Variants in ATL2 observed in about 807,000 individuals in gnomAD.
ATL2 encodes atlastin-2.
In ATL2, 31 loss-of-function variants were observed where a neutral mutation model predicts 73.9. The observed-to-expected ratio is 0.42, with a 90% CI of 0.32 to 0.57. The LOEUF is 0.57. Ranked by LOEUF, ATL2 falls within the 20% of genes least tolerant of loss-of-function variation. The probability of loss-of-function intolerance (pLI) is 0.14; values close to 1 mark genes in which losing one functional copy is unlikely to be tolerated. For missense variants in ATL2, 738 were observed against 702.6 expected (o/e 1.05, Z -0.57); for synonymous variants, 291 against 237.5 (o/e 1.23, Z -2.07).
intron 1 of ATL2, 36 bp from the exon 2 acceptor site, chr2:38,343,548 T>C (rs1012100102): frequency 1.3e-6 from 2 of 1,580,022 alleles, no homozygotes; most frequent in Non-Finnish European, 1.7e-6. Flanking sequence ...GTTACTTTAA[T>C]CCCTATATTA....
chr2:38,362,655 G>A (rs889364170), intron 1 of ATL2, among the ~76,000 whole-genome samples: 1 of 152,184 alleles, frequency 6.6e-6, no homozygotes, highest in African/African-American at 2.4e-5. Flanking sequence ...TCTTTCAATA[G>A]TCACTGAACA....
At chr2:38,309,802 C>T (rs1187913646) in intron 8 of ATL2, among the ~76,000 whole-genome samples, 2 of 151,928 alleles carry the variant, frequency 1.3e-5, no homozygotes, top group African/African-American at 2.4e-5. Flanking sequence ...TTAGTATTAA[C>T]GAAAATGTCC....
At chr2:38,348,398 G>A (rs1304419815) in intron 1 of ATL2, among the ~76,000 whole-genome samples, 4 of 151,754 alleles carry the variant, frequency 2.6e-5, no homozygotes, top group Admixed American at 6.6e-5. Context: ...CCCAGGAAAC[G>A]GAGGTTGCGG....
intron 1 of ATL2, among the ~76,000 whole-genome samples, chr2:38,355,616 C>G (rs1438532118): frequency 6.6e-6 from 1 of 151,788 alleles, no homozygotes; most frequent in Non-Finnish European, 1.5e-5. Flanking sequence ...CATAACAATG[C>G]CAAGTAAGAA....
intron 7 of ATL2, among the ~76,000 whole-genome samples, chr2:38,312,389 A>ACTCT (rs10638181): frequency 0.11 from 16,682 of 151,810 alleles, 2,708 homozygotes; most frequent in African/African-American, 0.36. Context: ...TTCCCCCTTC[A>ACTCT]CTCTCTCTCT....
chr2:38,318,776 C>T (rs998446306), intron 3 of ATL2, 109 bp downstream of exon 3: 9 of 1,355,778 alleles, frequency 6.6e-6, no homozygotes, highest in South Asian at 4.2e-5. Context: ...CATAATAATC[C>T]GTATGTTAAA....
intron 1 of ATL2, chr2:38,358,451 C>G (rs1409206776): frequency 5.8e-6 from 1 of 172,326 alleles, no homozygotes; most frequent in African/African-American, 2.4e-5. Context: ...ACCTGTAATC[C>G]CAGCACTTTG....
In ATL2 at chr2:38,310,289, G is replaced by T. The variant is rs370235244; in HGVS notation, c.943+20C>A. On this transcript the variant is annotated intron_variant, in intron 8 of 12. Transcript: ENST00000378954. ...CTCTAATAAATAAGTTCAGATTTTA[G>T]CAAGAATGGGAATTCCCACCTTTCA... The T allele has an allele frequency of 5.3e-5, 85 of 1,607,984 alleles. No homozygotes were observed. The African/African-American group carries it at 9.7e-4, about 18-fold the overall frequency.
chr2:38,309,485 C>A lies in ATL2; in HGVS notation c.965G>T (p.Arg322Leu). The A allele has an allele frequency of 6.2e-7, 1 of 1,611,200 alleles. No individual in the cohort carries two copies. The highest frequency in any genetic ancestry group is 8.5e-7 in the Non-Finnish European group (1 of 1,179,388). ...CAATGGAACCAGATTTCGAAGCTCT[C>A]GTTTAAAGTCTTCATCAATATCTAG... ...RLKDIDEDFKRELRNLVPLLL... is the reference protein window; with the variant it reads ...RLKDIDEDFKLELRNLVPLLL... Residue 322 changes from arginine (R) to leucine (L), a missense_variant, in exon 9 of 13, where the codon CGA (arginine) becomes CTA (leucine). By Grantham distance (102) the Arg-to-Leu change is moderately radical. Transcript: ENST00000378954.
chr2:38,354,796 A>T (rs1369862045), intron 1 of ATL2, among the ~76,000 whole-genome samples: 2 of 152,156 alleles, frequency 1.3e-5, no homozygotes, highest in Non-Finnish European at 2.9e-5. Context: ...AAGCTGAGGC[A>T]GGAGAATCCC....
chr2:38,329,577 AG>A (rs1668867044), intron 2 of ATL2, among the ~76,000 whole-genome samples: 1 of 152,100 alleles, frequency 6.6e-6, no homozygotes, highest in African/African-American at 2.4e-5. Flanking sequence ...AAATAAGCAG[AG>A]GGAATACTTC....
intron 2 of ATL2, among the ~76,000 whole-genome samples, chr2:38,334,714 C>A (rs527553749): frequency 3.3e-4 from 49 of 150,274 alleles, no homozygotes; most frequent in Admixed American, 6.0e-4. Context: ...AACAAACAAA[C>A]AAAAAAATCT....
intron 1 of ATL2, among the ~76,000 whole-genome samples, chr2:38,346,554 G>C (rs978247161): frequency 6.6e-6 from 1 of 152,164 alleles, no homozygotes; most frequent in East Asian, 1.9e-4. Context: ...CACAGAAGGG[G>C]GAGCAGTGGT....
chr2:38,335,593 C>T (rs1203128527), intron 2 of ATL2, among the ~76,000 whole-genome samples: 2 of 152,056 alleles, frequency 1.3e-5, no homozygotes, highest in African/African-American at 4.8e-5. Flanking sequence ...CCGGAGATAG[C>T]AGTAACTGGG....
chr2:38,307,838 A>G (rs968881628), intron 9 of ATL2, among the ~76,000 whole-genome samples: 9 of 152,314 alleles, frequency 5.9e-5, no homozygotes, highest in Non-Finnish European at 1.3e-4. Context: ...GGAGACAAAC[A>G]AATGGGATAC....
At chr2:38,362,441 G>A (rs1245387424) in intron 1 of ATL2, among the ~76,000 whole-genome samples, 2 of 152,150 alleles carry the variant, frequency 1.3e-5, no homozygotes, top group African/African-American at 4.8e-5. Flanking sequence ...GTACAACAGT[G>A]AGTCTCACAC....
intron 1 of ATL2, among the ~76,000 whole-genome samples, chr2:38,346,205 T>A (rs1421058245): frequency 6.6e-6 from 1 of 152,190 alleles, no homozygotes; most frequent in South Asian, 2.1e-4. Flanking sequence ...CATTTCTGAA[T>A]CTCTATTGAT....
chr2:38,359,457 G>A (rs549708176), intron 1 of ATL2: 1 of 141,110 alleles, frequency 7.1e-6, no homozygotes, highest in Non-Finnish European at 1.5e-5. Context: ...CAGCCTCAGT[G>A]ACAGAACCAG....
chr2:38,376,896 ACG>A (rs1039114894), intron 1 of ATL2, among the ~76,000 whole-genome samples: 41 of 150,512 alleles, frequency 2.7e-4, no homozygotes, highest in African/African-American at 9.2e-4. Context: ...CCGGTCGCAG[ACG>A]CGCGCGCCAC....
Sources: gnomAD v4.1 joint callset for allele counts (sites outside exome capture counted in the v4.1 genomes callset) on GRCh38, gnomAD v4.1.1 for gene constraint, MANE v1.5 for transcripts, NCBI Gene and HGNC (gene_info 2026-07-23, HGNC 2026-07-21) for gene names.